The following CDH11 variants were observed in gnomAD, a reference collection of about 807,000 sequenced individuals.
CDH11 encodes the protein cadherin-11.
Under a neutral mutation model 67.8 loss-of-function variants are expected in CDH11, and 11 were observed. That is an observed-to-expected ratio of 0.16 (90% CI 0.10 to 0.27). CDH11 has a LOEUF of 0.27. Among genes scored for constraint, CDH11 ranks in the 10% least tolerant of loss-of-function variants. The pLI, the probability that CDH11 is intolerant of heterozygous loss-of-function variation, is 1.00. For missense variants in CDH11, 847 were observed against 1,031.2 expected, an observed-to-expected ratio of 0.82 and a Z score of 2.45; for synonymous variants, 419 against 400.0, an observed-to-expected ratio of 1.05 and a Z score of -0.57.
Position 65,089,910 on chromosome 16 carries a change from T to G in CDH11, c.-298+31970A>C, listed in dbSNP as rs1253075992. The stretch of plus-strand genomic sequence containing the variant: ...CAACATTTTGCATTTATTATTGTAT[T>G]TATTTTCAATAATAATATATTATTT... On this transcript the variant is annotated intron_variant, in intron 1 of 12. Transcript: ENST00000268603. Among the ~76,000 whole-genome samples, 5 of 152,278 alleles carry G rather than the reference T, an allele frequency of 3.3e-5. No individual in the cohort carries two copies. The East Asian group carries it at 9.6e-4, about 29-fold the overall frequency.
intron 1 of CDH11, among the ~76,000 whole-genome samples, chr16:65,064,424 A>G (rs8049948): frequency 0.065 from 9,832 of 152,294 alleles, 592 homozygotes; most frequent in African/African-American, 0.16. Context: ...CAGTAAATAT[A>G]AGTCAATACC....
Position 64,945,861 on chromosome 16 carries a change from A to C in CDH11, c.*1742T>G. 9.5e-7 allele frequency: 1 copy of C among 1,055,016 alleles called. No homozygotes were observed. Among genetic ancestry groups the C allele is most frequent in the Non-Finnish European group, 1.1e-6 (1 of 872,858 alleles). The allele number at this position is 1,055,016 out of a possible 1,614,324, so 65.4% of individuals were successfully genotyped here. On this transcript the variant is annotated 3_prime_UTR_variant, in exon 13 of 13. Transcript: ENST00000268603. ...ATAAAGTCAGAAAAAAACTGTAAAA[A>C]TTGTCTGCAATCCAAGAAAAAGCAC...
intron 12 of CDH11, among the ~76,000 whole-genome samples, chr16:64,949,022 T>C (rs2071276392): frequency 6.6e-6 from 1 of 152,226 alleles, no homozygotes; most frequent in Non-Finnish European, 1.5e-5. Flanking sequence ...GCCCTGGACT[T>C]CGTGTGGCTC....
At chr16:65,091,147 T>C (rs2074785730) in intron 1 of CDH11, among the ~76,000 whole-genome samples, 1 of 152,244 alleles carries the variant, frequency 6.6e-6, no homozygotes. Flanking sequence ...TATGTCCATG[T>C]AGCTACAACT....
At chr16:65,093,210 CTTTTT>C (rs35724614) in intron 1 of CDH11, among the ~76,000 whole-genome samples, 1 of 119,134 alleles carries the variant, frequency 8.4e-6, no homozygotes, top group South Asian at 2.8e-4. Context: ...TGTTGGGTTC[CTTTTT>C]TTTTTTTTTT....
chr16:65,068,407 A>T (rs1054384785), intron 1 of CDH11, among the ~76,000 whole-genome samples: 2 of 82,954 alleles, frequency 2.4e-5, no homozygotes, highest in African/African-American at 1.0e-4. Flanking sequence ...ATAAGATATG[A>T]CTACAGAAAA....
At chr16:64,949,364 T>A (rs891841078) in intron 12 of CDH11, among the ~76,000 whole-genome samples, 2 of 151,944 alleles carry the variant, frequency 1.3e-5, no homozygotes, top group African/African-American at 4.8e-5. Context: ...AACCTGTATG[T>A]CACATCCTCC....
Position 64,946,792 on chromosome 16 carries a change from C to G in CDH11, c.*811G>C, listed in dbSNP as rs2071206226. 1 of 878,770 alleles carries G rather than the reference C, an allele frequency of 1.1e-6. No homozygotes were observed. The highest frequency in any genetic ancestry group is 1.4e-6 in the Non-Finnish European group (1 of 722,000). 54.4% of individuals were successfully genotyped at this position (878,770 alleles called of 1,614,324 possible). A position where few individuals can be genotyped will look rare whatever the true frequency, so the allele number is the denominator to read the frequency against. Reference sequence around the variant, plus strand: ...ATCAAACCCAGAATTAAAAAAAAATCTTTTTTTATTTCAAAGATTGCTTCT... The same window carrying G: ...ATCAAACCCAGAATTAAAAAAAAATGTTTTTTTATTTCAAAGATTGCTTCT... On this transcript the variant is annotated 3_prime_UTR_variant, in exon 13 of 13. Transcript: ENST00000268603.
intron 1 of CDH11, among the ~76,000 whole-genome samples, chr16:65,092,448 C>A (rs539596395): frequency 6.6e-6 from 1 of 152,230 alleles, no homozygotes; most frequent in South Asian, 2.1e-4. Flanking sequence ...TGCTTTGGGC[C>A]AAACTGATAG....
intron 2 of CDH11, among the ~76,000 whole-genome samples, chr16:65,012,921 C>A (rs1267815458): frequency 6.6e-6 from 1 of 152,242 alleles, no homozygotes; most frequent in East Asian, 1.9e-4. Context: ...TAACTCTAGA[C>A]CAAAAGTCAA....
upstream of CDH11, among the ~76,000 whole-genome samples, chr16:65,123,006 C>T (rs376024717): frequency 2.3e-4 from 35 of 152,194 alleles, no homozygotes; most frequent in African/African-American, 8.2e-4. Flanking sequence ...AGTCCTAGCT[C>T]CTTCCTCCGC....
intron 4 of CDH11, 59 bp downstream of exon 4, chr16:64,998,503 C>T: frequency 1.3e-6 from 2 of 1,527,286 alleles, no homozygotes; most frequent in Non-Finnish European, 1.8e-6. Context: ...GGGCTTCAGC[C>T]CACCCACCAC....
rs1364628180 is a variant in CDH11, at chr16:65,004,668, C to T, written c.202G>A (p.Gly68Arg). 13 of 1,613,366 alleles carry T rather than the reference C, an allele frequency of 8.1e-6. No homozygotes were observed. Among genetic ancestry groups the T allele is most frequent in the South Asian group, 1.1e-5 (1 of 91,028 alleles). ...NQFFVIEEYT[G>R]PDPVLVGRLH... ...CTGCCCACAAGCACGGGGTCAGGCC[C>T]GGTGTACTCCTCTATCACGAAGAAC... Residue 68 changes from glycine (G) to arginine (R), a missense_variant, in exon 3 of 13, where the codon GGG becomes AGG. Physicochemically the swap from Gly to Arg is moderately radical, Grantham distance 125 (BLOSUM62 -2). Transcript: ENST00000268603.
rs1222711577 is a variant in CDH11 at position 64,945,591 on chromosome 16, AAATG to A, written c.*2008_*2011del. On this transcript the variant is annotated 3_prime_UTR_variant, in exon 13 of 13. Transcript: ENST00000268603. Reference sequence around the variant, plus strand: ...TTTGGATTACAAAAACTATATAAAAAAATGAACACAACCTGCAATTATGGAAGTA... The same window carrying A: ...TTTGGATTACAAAAACTATATAAAAAAACACAACCTGCAATTATGGAAGTA... The A allele has an allele frequency of 9.7e-7, 1 of 1,031,514 alleles. No homozygotes were observed. The highest frequency in any genetic ancestry group is 1.7e-5 in the African/African-American group (1 of 59,316). The allele number at this position is 1,031,514 out of a possible 1,614,324, so 63.9% of individuals were successfully genotyped here. A position where few individuals can be genotyped will look rare whatever the true frequency, so the allele number is the denominator to read the frequency against.
rs114784740 is a variant in CDH11 at position 65,072,852 on chromosome 16, C to T, written c.-297-18924G>A. On this transcript the variant is annotated intron_variant, in intron 1 of 12. Transcript: ENST00000268603. ...AAACCAGCTACTCAACCTCTGCATA[C>T]CTCCATCACCTCACTGCTAAAATGG... Among the ~76,000 whole-genome samples, 361 of 152,304 alleles carry T rather than the reference C, an allele frequency of 2.4e-3. 1 individual carries two copies. The highest frequency in any genetic ancestry group is 8.0e-3 in the African/African-American group (332 of 41,572).
chr16:65,062,396 C>T (rs887921171), intron 1 of CDH11, among the ~76,000 whole-genome samples: 2 of 152,040 alleles, frequency 1.3e-5, no homozygotes, highest in African/African-American at 2.4e-5. Flanking sequence ...ACACACACTG[C>T]AGTGTTTGTT....
chr16:65,014,681 T>C (rs1446076771), intron 2 of CDH11, among the ~76,000 whole-genome samples: 2 of 151,874 alleles, frequency 1.3e-5, no homozygotes, highest in East Asian at 3.9e-4. Flanking sequence ...AAATAAGGCT[T>C]GAGTTGAGAA....
intron 1 of CDH11, among the ~76,000 whole-genome samples, chr16:65,075,580 G>T (rs938954872): frequency 6.6e-6 from 1 of 152,120 alleles, no homozygotes; most frequent in Non-Finnish European, 1.5e-5. Context: ...TGATCCTTTG[G>T]CAAGGATCTT....
At chr16:64,972,121 C>A in intron 9 of CDH11, 57 bp from the exon 10 acceptor site, 1 of 1,514,822 alleles carries the variant, frequency 6.6e-7, no homozygotes, top group Non-Finnish European at 9.1e-7. Flanking sequence ...CACATTGGTC[C>A]AGGCATATTC....
Sources: allele counts gnomAD v4.1 joint callset (sites outside exome capture counted in the v4.1 genomes callset), GRCh38; gene constraint gnomAD v4.1.1; transcripts MANE v1.5; gene names NCBI Gene and HGNC (gene_info 2026-07-23, HGNC 2026-07-21).